ROBO2: variants seen among roughly 807,000 people sequenced by gnomAD.
ROBO2 encodes roundabout guidance receptor 2, also known as roundabout homolog 2.
ROBO2 carries 53 observed loss-of-function variants against 160.8 expected under a neutral mutation model. The ratio of observed to expected loss-of-function variants is 0.33; its 90% CI spans 0.26 to 0.41. The LOEUF (loss-of-function observed/expected upper bound fraction) is 0.41. ROBO2 is among the 10% of genes least tolerant of loss of function. ROBO2 has a pLI of 1.00. For synonymous variants in ROBO2, 664 were observed against 611.7 expected, an observed-to-expected ratio of 1.09 and a Z score of -1.26; for missense variants, 1,577 against 1,722.4, an observed-to-expected ratio of 0.92 and a Z score of 1.49.
At chr3:76,291,394 C>G (rs1708795804) in intron 2 of ROBO2, among the ~76,000 whole-genome samples, 1 of 151,894 alleles carries the variant, frequency 6.6e-6, no homozygotes, top group Non-Finnish European at 1.5e-5. Context: ...GGCAATGTCC[C>G]CTTTTTATTT....
At chr3:77,180,416 CTA>C (rs71104657) in intron 2 of ROBO2, among the ~76,000 whole-genome samples, 1,551 of 90,632 alleles carry the variant, frequency 0.017, 42 homozygotes, top group East Asian at 0.094. Flanking sequence ...CTCTCTCTCT[CTA>C]TATATATATA....
intron 2 of ROBO2, among the ~76,000 whole-genome samples, chr3:76,415,749 G>C (rs1323501463): frequency 1.3e-5 from 2 of 152,070 alleles, no homozygotes; most frequent in Non-Finnish European, 2.9e-5. Flanking sequence ...TGATCAACCT[G>C]TCATCTTTTA....
intron 2 of ROBO2, among the ~76,000 whole-genome samples, chr3:76,330,325 C>T (rs577613501): frequency 6.6e-6 from 1 of 152,292 alleles, no homozygotes; most frequent in East Asian, 1.9e-4. Flanking sequence ...GCCTAGTCTA[C>T]ATTATGATAT....
intron 2 of ROBO2, among the ~76,000 whole-genome samples, chr3:77,328,219 G>A (rs536195097): frequency 5.3e-5 from 8 of 149,986 alleles, no homozygotes; most frequent in East Asian, 2.0e-4. Flanking sequence ...TTTCTGCTGC[G>A]CCCATGATGC....
intron 2 of ROBO2, among the ~76,000 whole-genome samples, chr3:76,497,147 C>G (rs1031905617): frequency 6.6e-6 from 1 of 152,126 alleles, no homozygotes; most frequent in Admixed American, 6.6e-5. Context: ...GGCCTTTGCA[C>G]GTATACTTTT....
intron 5 of ROBO2, among the ~76,000 whole-genome samples, chr3:77,498,538 C>T (rs747993681): frequency 1.1e-4 from 17 of 151,856 alleles, no homozygotes; most frequent in Non-Finnish European, 1.6e-4. Context: ...GTTTTTAGTT[C>T]CATGAAATGT....
At chr3:76,363,195 G>A (rs1165832365) in intron 2 of ROBO2, among the ~76,000 whole-genome samples, 1 of 151,584 alleles carries the variant, frequency 6.6e-6, no homozygotes, top group African/African-American at 2.4e-5. Flanking sequence ...AGCTAACAAA[G>A]TATACACACA....
chr3:77,439,908 G>A (rs893943448), intron 2 of ROBO2, among the ~76,000 whole-genome samples: 24 of 152,158 alleles, frequency 1.6e-4, no homozygotes, highest in Admixed American at 1.4e-3. Context: ...TTTTAATTAA[G>A]TTAAACACAT....
intron 2 of ROBO2, among the ~76,000 whole-genome samples, chr3:76,870,531 GGATCCAGAGGATCTCTCT>G (rs2071917075): frequency 1.3e-5 from 2 of 152,262 alleles, no homozygotes; most frequent in Admixed American, 6.5e-5. Flanking sequence ...CTCTGGCTAT[GGATCCAGAGGATCTCTCT>G]GCTAAACTAC....
rs148822789 is a variant in ROBO2 at position 76,692,106 on chromosome 3, AAG to A, written c.110-405902_110-405901del. On this transcript the variant is annotated intron_variant, in intron 2 of 26. Transcript: ENST00000487694. ...ATGGAGATGTAGGAGAAGAGACGAA[AAG>A]AGAGACTAGATGACTTTGGCACTCA... Among the ~76,000 whole-genome samples, 1,201 of 152,170 alleles carry A rather than the reference AAG, an allele frequency of 7.9e-3. 19 individuals are homozygous for A. Among genetic ancestry groups the A allele is most frequent in the African/African-American group, 0.028 (1,149 of 41,526 alleles).
At position 76,973,725 on chromosome 3, in the gene ROBO2, TCTGA is replaced by T. The variant is rs1198582520; in HGVS notation, c.110-124286_110-124283del. On this transcript the variant is annotated intron_variant, in intron 2 of 26. Transcript: ENST00000487694. ...GTGTAATAATGAACATTTACTAAGC[TCTGA>T]CTATGTATGAGATCTTGTGCTAGAG... Among the ~76,000 whole-genome samples, 12 of 152,292 alleles carry T rather than the reference TCTGA, an allele frequency of 7.9e-5. No individual in the cohort carries two copies. The East Asian group carries it at 2.1e-3, about 27-fold the overall frequency.
chr3:76,352,594 A>G (rs767442017), intron 2 of ROBO2, among the ~76,000 whole-genome samples: 6 of 152,012 alleles, frequency 3.9e-5, no homozygotes, highest in Non-Finnish European at 7.4e-5. Flanking sequence ...ATTTGTGACT[A>G]TTACCTCACT....
chr3:77,366,584 A>T (rs1451894034), intron 2 of ROBO2, among the ~76,000 whole-genome samples: 2 of 152,166 alleles, frequency 1.3e-5, no homozygotes, highest in Non-Finnish European at 2.9e-5. Flanking sequence ...GTTGCTATAA[A>T]GGTATGCCTG....
chr3:77,380,414 G>A (rs897469297), intron 2 of ROBO2, among the ~76,000 whole-genome samples: 1 of 152,028 alleles, frequency 6.6e-6, no homozygotes, highest in Admixed American at 6.6e-5. Context: ...GAGAGATTGA[G>A]AAAAAAGTTA....
At chr3:76,597,954 T>A (rs909397531) in intron 2 of ROBO2, among the ~76,000 whole-genome samples, 1 of 152,164 alleles carries the variant, frequency 6.6e-6, no homozygotes, top group African/African-American at 2.4e-5. Flanking sequence ...AAAACTGATA[T>A]TTTTACAACT....
intron 1 of ROBO2, among the ~76,000 whole-genome samples, chr3:77,093,131 T>G (rs957996827): frequency 6.6e-6 from 1 of 152,118 alleles, no homozygotes; most frequent in Non-Finnish European, 1.5e-5. Flanking sequence ...GAGCAGTGCT[T>G]ATCAAACGGT....
rs1240420688 is a variant in ROBO2 at position 77,481,034 on chromosome 3, G to A, written c.547-65G>A. 4 of 1,343,296 alleles carry A rather than the reference G, an allele frequency of 3.0e-6. No homozygotes were observed. In the East Asian group the frequency reaches 6.9e-5, roughly 23 times the overall value. The allele number at this position is 1,343,296 out of a possible 1,614,324, so 83.2% of individuals were successfully genotyped here. ...CAAATACTCAAAACTATTTATTAAT[G>A]ACCTTTATTTTCTATTCTGTTCCTT... On this transcript the variant is annotated intron_variant, in intron 3 of 25. Coordinates refer to ENST00000461745, the Ensembl canonical transcript of ROBO2.
intron 2 of ROBO2, among the ~76,000 whole-genome samples, chr3:76,677,779 A>C (rs2092447590): frequency 6.6e-6 from 1 of 151,998 alleles, no homozygotes; most frequent in South Asian, 2.1e-4. Flanking sequence ...TTTTGTGATC[A>C]TGTGATTATA....
intron 2 of ROBO2, among the ~76,000 whole-genome samples, chr3:76,006,745 C>T (rs138258820): frequency 2.6e-5 from 4 of 152,174 alleles, no homozygotes; most frequent in African/African-American, 9.6e-5. Flanking sequence ...AACTTTTAGA[C>T]ATCACTATTA....
Sources: gnomAD v4.1 joint callset for allele counts (sites outside exome capture counted in the v4.1 genomes callset) on GRCh38, gnomAD v4.1.1 for gene constraint, MANE v1.5 for transcripts, NCBI Gene and HGNC (gene_info 2026-07-23, HGNC 2026-07-21) for gene names.